Variants in ATG5 observed in about 807,000 individuals in gnomAD.
ATG5 encodes autophagy protein 5.
In ATG5, 14 loss-of-function variants were observed where a neutral mutation model predicts 36.5. The observed-to-expected ratio is 0.38, with a 90% CI of 0.25 to 0.60. The LOEUF (loss-of-function observed/expected upper bound fraction) is 0.60. Among genes scored for constraint, ATG5 ranks in the 20% least tolerant of loss-of-function variants. The pLI, the probability that ATG5 is intolerant of heterozygous loss-of-function variation, is 0.60. For synonymous variants in ATG5, 95 were observed against 101.5 expected, an observed-to-expected ratio of 0.94 and a Z score of 0.38; for missense variants, 195 against 326.7, an observed-to-expected ratio of 0.60 and a Z score of 3.11.
At chr6:106,197,482 C>T (rs945692930) in intron 7 of ATG5, among the ~76,000 whole-genome samples, 4 of 143,242 alleles carry the variant, frequency 2.8e-5, no homozygotes, top group Non-Finnish European at 4.5e-5. Context: ...GAAATTTTAT[C>T]ACCAAAGTTG....
chr6:106,257,249 T>C (rs1778836817), intron 5 of ATG5, among the ~76,000 whole-genome samples: 1 of 152,136 alleles, frequency 6.6e-6, no homozygotes. Flanking sequence ...CCTTCCTATT[T>C]TACAGCTAAC....
chr6:106,220,454 T>A (rs1483885235), intron 6 of ATG5, among the ~76,000 whole-genome samples: 1 of 152,200 alleles, frequency 6.6e-6, no homozygotes, highest in Non-Finnish European at 1.5e-5. Flanking sequence ...TTAATGAGTA[T>A]GATATCCTGA....
intron 7 of ATG5, among the ~76,000 whole-genome samples, chr6:106,194,345 A>C (rs2284192): frequency 0.42 from 64,007 of 151,870 alleles, 13,779 homozygotes; most frequent in Admixed American, 0.52. Context: ...AGATACTAAC[A>C]AGCTTCAATT....
chr6:106,205,570 A>C (rs544496287), intron 6 of ATG5, among the ~76,000 whole-genome samples: 8 of 152,338 alleles, frequency 5.3e-5, no homozygotes, highest in African/African-American at 1.9e-4. Flanking sequence ...AAGATTAAAA[A>C]TTACCTGAAA....
At chr6:106,279,395 T>G (rs1192963335) in intron 5 of ATG5, among the ~76,000 whole-genome samples, 3 of 152,188 alleles carry the variant, frequency 2.0e-5, no homozygotes, top group Non-Finnish European at 2.9e-5. Context: ...TGGCATTTCC[T>G]TCAGAAGCTA....
intron 4 of ATG5, among the ~76,000 whole-genome samples, chr6:106,284,677 T>C (rs1780006686): frequency 6.6e-6 from 1 of 151,792 alleles, no homozygotes; most frequent in Non-Finnish European, 1.5e-5. Flanking sequence ...TTTTTGATGA[T>C]AACCAATCTA....
chr6:106,235,388 C>A (rs1777857227), intron 6 of ATG5, among the ~76,000 whole-genome samples: 1 of 152,158 alleles, frequency 6.6e-6, no homozygotes, highest in African/African-American at 2.4e-5. Flanking sequence ...CTCAACTGCA[C>A]AACCCCTACT....
chr6:106,297,909 A>AAAAAAATTAGC (rs1176997965), intron 3 of ATG5, among the ~76,000 whole-genome samples: 1 of 151,860 alleles, frequency 6.6e-6, no homozygotes, highest in Non-Finnish European at 1.5e-5. Flanking sequence ...TGTCTCTACA[A>AAAAAAATTAGC]AAAAAATTAG....
chr6:106,316,095 A>G lies in ATG5; in HGVS notation c.108+6T>C. On this transcript the variant is annotated splice_donor_region_variant and intron_variant, in intron 2 of 7. Coordinates refer to ENST00000369076, the MANE Select transcript of ATG5 (RefSeq NM_004849.4). ...ATATCCCATTTGCCACAATCAATGT[A>G]CTTACATAGTATGGTTCTGCTTCCC... The G allele has an allele frequency of 6.2e-7, 1 of 1,604,434 alleles. No homozygotes were observed. Among genetic ancestry groups the G allele is most frequent in the Non-Finnish European group, 8.5e-7 (1 of 1,173,368 alleles).
intron 3 of ATG5, among the ~76,000 whole-genome samples, chr6:106,299,060 C>T (rs1450087758): frequency 6.6e-6 from 1 of 152,178 alleles, no homozygotes; most frequent in Non-Finnish European, 1.5e-5. Flanking sequence ...GTTGCTACTT[C>T]TACCATCTAA....
chr6:106,227,025 G>C (rs929835779), intron 6 of ATG5, among the ~76,000 whole-genome samples: 26 of 152,108 alleles, frequency 1.7e-4, no homozygotes, highest in Middle Eastern at 6.8e-3. Flanking sequence ...TGCAGAAAAA[G>C]GGTCAGAGTA....
chr6:106,269,428 C>T (rs1190065890), intron 5 of ATG5, among the ~76,000 whole-genome samples: 1 of 152,182 alleles, frequency 6.6e-6, no homozygotes, highest in Non-Finnish European at 1.5e-5. Context: ...CTTGGGTGGT[C>T]GATGGGACTG....
At chr6:106,209,711 T>C (rs945359601) in intron 6 of ATG5, among the ~76,000 whole-genome samples, 1 of 152,200 alleles carries the variant, frequency 6.6e-6, no homozygotes, top group Non-Finnish European at 1.5e-5. Flanking sequence ...TGGATTATAT[T>C]AATACAATTT....
chr6:106,194,258 T>C (rs1776084265), intron 7 of ATG5, among the ~76,000 whole-genome samples: 1 of 152,184 alleles, frequency 6.6e-6, no homozygotes, highest in Admixed American at 6.5e-5. Context: ...GTTTGCAAAC[T>C]GAGTGCCTAT....
At chr6:106,204,526 C>T (rs80049667) in intron 6 of ATG5, among the ~76,000 whole-genome samples, 3,751 of 152,272 alleles carry the variant, frequency 0.025, 66 homozygotes, top group African/African-American at 0.049. Context: ...CAAATCTCAT[C>T]TCAAATTGTA....
chr6:106,318,293 C>T (rs1451939498), intron 1 of ATG5, among the ~76,000 whole-genome samples: 1 of 152,036 alleles, frequency 6.6e-6, no homozygotes, highest in African/African-American at 2.4e-5. Context: ...GTGTGGCTCC[C>T]TTCTCTCCCC....
intron 2 of ATG5, among the ~76,000 whole-genome samples, chr6:106,310,465 C>T (rs1007696558): frequency 2.6e-5 from 4 of 152,032 alleles, no homozygotes; most frequent in Non-Finnish European, 5.9e-5. Flanking sequence ...AATGAAAAGA[C>T]ATCATCTTCT....
intron 4 of ATG5, among the ~76,000 whole-genome samples, chr6:106,282,255 C>A (rs1779912443): frequency 6.6e-6 from 1 of 152,344 alleles, no homozygotes; most frequent in South Asian, 2.1e-4. Flanking sequence ...TTCACTTCAC[C>A]TGTCACGGCG....
intron 3 of ATG5, among the ~76,000 whole-genome samples, chr6:106,298,007 C>A (rs1391373732): frequency 6.6e-6 from 1 of 150,990 alleles, no homozygotes; most frequent in Non-Finnish European, 1.5e-5. Flanking sequence ...TTCTGTCGCC[C>A]AGGATGGAAT....
Sources: allele counts gnomAD v4.1 joint callset (sites outside exome capture counted in the v4.1 genomes callset), GRCh38; gene constraint gnomAD v4.1.1; transcripts MANE v1.5; gene names NCBI Gene and HGNC (gene_info 2026-07-23, HGNC 2026-07-21).